The following CTNNA3 variants were observed in gnomAD, a reference collection of about 807,000 sequenced individuals.
CTNNA3 encodes catenin alpha 3.
In CTNNA3, 76 loss-of-function variants were observed where a neutral mutation model predicts 95.7. The ratio of observed to expected loss-of-function variants is 0.79; its 90% confidence interval spans 0.66 to 0.96. The LOEUF is 0.96. Among genes scored for constraint, CTNNA3 ranks in the 40% least tolerant of loss-of-function variants. CTNNA3 has a pLI of 0.00. For missense variants in CTNNA3, 1,191 were observed against 1,089.8 expected (o/e 1.09, Z -1.31); for synonymous variants, 431 against 374.4 (o/e 1.15, Z -1.74).
At position 66,927,103 on chromosome 10, in the gene CTNNA3, T is replaced by G; in HGVS notation, c.1048-151579A>C. The G allele has an allele frequency of 6.2e-7, 1 of 1,614,216 alleles. No individual in the cohort carries two copies. Among genetic ancestry groups the G allele is most frequent in the Non-Finnish European group, 8.5e-7 (1 of 1,180,042 alleles). On this transcript the variant is annotated intron_variant, in intron 7 of 17. Transcript: ENST00000433211. The surrounding 1 kb of genome is among the most constrained non-coding windows in gnomAD (Gnocchi z 4.7). ...GATACCCTCAAGTATATCTGCTGGT[T>G]GCTTAGGTTTGTCCCTTCGCTATAA...
At chr10:67,090,053 T>C (rs557821517) in intron 7 of CTNNA3, among the ~76,000 whole-genome samples, 2 of 152,220 alleles carry the variant, frequency 1.3e-5, no homozygotes, top group East Asian at 3.9e-4. Context: ...AAAGCTAACA[T>C]ATTTTAACTG....
intron 5 of CTNNA3, among the ~76,000 whole-genome samples, chr10:67,452,696 A>C (rs1014521933): frequency 2.0e-4 from 31 of 152,174 alleles, no homozygotes; most frequent in African/African-American, 6.3e-4. Context: ...TATGTCCAGG[A>C]GGAGCGGAGG....
chr10:67,459,609 C>T (rs1167687400), intron 5 of CTNNA3, among the ~76,000 whole-genome samples: 1 of 152,148 alleles, frequency 6.6e-6, no homozygotes, highest in Admixed American at 6.6e-5. Flanking sequence ...CTGTCTGTGA[C>T]ATGTCCTGAA....
intron 7 of CTNNA3, among the ~76,000 whole-genome samples, chr10:67,139,705 G>A (rs933247035): frequency 3.3e-5 from 5 of 152,146 alleles, no homozygotes; most frequent in Admixed American, 6.5e-5. Context: ...GAGCCACTGC[G>A]CCCAACCTAA....
At chr10:66,107,397 G>A (rs181338626) in intron 13 of CTNNA3, among the ~76,000 whole-genome samples, 13 of 152,142 alleles carry the variant, frequency 8.5e-5, no homozygotes, top group South Asian at 2.1e-4. Context: ...ACAAGATGAC[G>A]GACTAGAACA....
intron 9 of CTNNA3, among the ~76,000 whole-genome samples, chr10:66,680,884 AATG>A (rs1253613086): frequency 1.3e-5 from 2 of 152,172 alleles, no homozygotes; most frequent in Non-Finnish European, 2.9e-5. Context: ...AGGCAGAGAG[AATG>A]ATGAGAGAGG....
At chr10:67,378,491 A>C (rs2132723237) in intron 5 of CTNNA3, among the ~76,000 whole-genome samples, 1 of 149,364 alleles carries the variant, frequency 6.7e-6, no homozygotes, top group Non-Finnish European at 1.5e-5. Context: ...ATTCTGTTTC[A>C]GGGTCCAATC....
At chr10:66,748,097 A>G (rs1176699968) in intron 9 of CTNNA3, among the ~76,000 whole-genome samples, 1 of 152,178 alleles carries the variant, frequency 6.6e-6, no homozygotes, top group East Asian at 1.9e-4. Flanking sequence ...CATCAAAGGT[A>G]TCAGCACCAT....
intron 10 of CTNNA3, among the ~76,000 whole-genome samples, chr10:66,556,978 TTAAA>T (rs1362299413): frequency 7.9e-5 from 12 of 152,232 alleles, no homozygotes; most frequent in African/African-American, 2.6e-4. Flanking sequence ...GCTGTACACC[TTAAA>T]TATATACAAT....
At chr10:66,669,107 G>A (rs972696413) in intron 9 of CTNNA3, among the ~76,000 whole-genome samples, 2 of 152,044 alleles carry the variant, frequency 1.3e-5, no homozygotes, top group Admixed American at 6.5e-5. Flanking sequence ...GGCGGAGAAC[G>A]AATTAAGCCT....
At chr10:67,112,835 C>T (rs1858979381) in intron 7 of CTNNA3, among the ~76,000 whole-genome samples, 1 of 151,880 alleles carries the variant, frequency 6.6e-6, no homozygotes, top group South Asian at 2.1e-4. Context: ...TTAATCAAAA[C>T]TCTTTTTGAG....
chr10:67,449,678 T>G (rs537495386), intron 5 of CTNNA3, among the ~76,000 whole-genome samples: 1 of 152,236 alleles, frequency 6.6e-6, no homozygotes, highest in Admixed American at 6.5e-5. Flanking sequence ...ATTAAAGACT[T>G]AAATGTAAAA....
intron 7 of CTNNA3, among the ~76,000 whole-genome samples, chr10:66,800,224 T>C (rs1403211843): frequency 6.6e-6 from 1 of 151,356 alleles, no homozygotes; most frequent in Non-Finnish European, 1.5e-5. Flanking sequence ...TGCTTATATT[T>C]TCCTCTTTGT....
rs113590509 is a variant in CTNNA3, at chr10:66,095,980, T to G, written c.1977+7177A>C. Among the ~76,000 whole-genome samples, 158 of 152,278 alleles carry G rather than the reference T, an allele frequency of 1.0e-3. 1 individual carries two copies. Among genetic ancestry groups the G allele is most frequent in the African/African-American group, 3.4e-3 (142 of 41,566 alleles). ...AGCAAAGACTGCATATTACAATTTC[T>G]GTAATTTGGGGTCATCAGTATATAT... On this transcript the variant is annotated intron_variant, in intron 14 of 17. Coordinates refer to ENST00000433211, the MANE Select transcript of CTNNA3 (RefSeq NM_013266.4).
At chr10:66,274,995 T>C (rs1175342410) in intron 13 of CTNNA3, among the ~76,000 whole-genome samples, 3 of 152,218 alleles carry the variant, frequency 2.0e-5, no homozygotes, top group Non-Finnish European at 4.4e-5. Context: ...TTGGATGCTG[T>C]GATATAGTCT....
intron 9 of CTNNA3, among the ~76,000 whole-genome samples, chr10:66,750,321 T>C (rs1203171719): frequency 6.6e-6 from 1 of 152,222 alleles, no homozygotes; most frequent in East Asian, 1.9e-4. Context: ...TTCTCCTATG[T>C]TATCTTCTAA....
intron 13 of CTNNA3, among the ~76,000 whole-genome samples, chr10:66,170,989 C>G (rs1433809130): frequency 6.6e-6 from 1 of 151,780 alleles, no homozygotes; most frequent in Non-Finnish European, 1.5e-5. Context: ...CAAAAATTAG[C>G]AGGTGTGGTG....
At chr10:66,149,656 T>C (rs759392114) in intron 13 of CTNNA3, among the ~76,000 whole-genome samples, 6 of 151,956 alleles carry the variant, frequency 3.9e-5, no homozygotes, top group Non-Finnish European at 8.8e-5. Context: ...TAAAATTTGA[T>C]ATACTTTTAC....
At chr10:66,908,013 C>G (rs570789936) in intron 7 of CTNNA3, among the ~76,000 whole-genome samples, 1 of 152,276 alleles carries the variant, frequency 6.6e-6, no homozygotes, top group Non-Finnish European at 1.5e-5. Flanking sequence ...CTTCACTACA[C>G]ATAGCACATC....
Sources: gnomAD v4.1 joint callset for allele counts (sites outside exome capture counted in the v4.1 genomes callset) on GRCh38, gnomAD v4.1.1 for gene constraint, Gnocchi (gnomAD v3.1) non-coding constraint, MANE v1.5 for transcripts, NCBI Gene and HGNC (gene_info 2026-07-23, HGNC 2026-07-21) for gene names.